The following AXDND1 variants were observed in gnomAD, a reference collection of about 807,000 sequenced individuals.
The protein encoded by AXDND1 is axonemal dynein light chain domain-containing protein 1.
In AXDND1, 110 loss-of-function variants were observed where a neutral mutation model predicts 137.5. The ratio of observed to expected loss-of-function variants is 0.80; its 90% CI spans 0.69 to 0.94. The LOEUF (loss-of-function observed/expected upper bound fraction) is 0.94. Ranked by LOEUF, AXDND1 falls within the 40% of genes least tolerant of loss-of-function variation. The probability of loss-of-function intolerance (pLI) is 0.00; values close to 1 mark genes in which losing one functional copy is unlikely to be tolerated. For missense variants in AXDND1, 1,191 were observed against 1,169.8 expected, an observed-to-expected ratio of 1.02 and a Z score of -0.26; for synonymous variants, 414 against 399.7, an observed-to-expected ratio of 1.04 and a Z score of -0.43.
intron 12 of AXDND1, among the ~76,000 whole-genome samples, chr1:179,411,918 C>T (rs1475893946): frequency 6.6e-6 from 1 of 151,890 alleles, no homozygotes; most frequent in East Asian, 1.9e-4. Flanking sequence ...GTGGTGCAAT[C>T]ACAGCTTACT....
chr1:179,488,634 CCTTTCTTTCTTTCTT>C (rs1337425503), intron 18 of AXDND1, among the ~76,000 whole-genome samples: 5,944 of 105,228 alleles, frequency 0.056, 567 homozygotes, highest in East Asian at 0.077. Context: ...CTCTCTCTCT[CCTTTCTTTCTTTCTT>C]TCTTTCTTTC....
At chr1:179,477,823 C>T (rs1274996761) in intron 17 of AXDND1, among the ~76,000 whole-genome samples, 2 of 152,162 alleles carry the variant, frequency 1.3e-5, no homozygotes, top group Non-Finnish European at 2.9e-5. Context: ...CAAGTTTCTT[C>T]CACCTGTAAG....
intron 20 of AXDND1, among the ~76,000 whole-genome samples, chr1:179,499,720 GATTA>G (rs1330005273): frequency 7.9e-5 from 12 of 152,092 alleles, no homozygotes; most frequent in Middle Eastern, 3.2e-3. Flanking sequence ...CTTTTGGCAA[GATTA>G]ATTAAGACAA....
Position 179,395,148 on chromosome 1 carries a change from A to G in AXDND1, c.1055A>G (p.Glu352Gly). The stretch of plus-strand genomic sequence containing the variant: ...GATGTGAAATTAACAAAGGAAACAG[A>G]AAAAGCCCACAAGGATTTGGCACAA... ...AHDVKLTKET[E>G]KAHKDLAQAL... Residue 352 changes from glutamate (E) to glycine (G), a missense_variant, in exon 11 of 26, where the codon GAA becomes GGA. Transcript: ENST00000367618. 1 of 1,613,432 alleles carries G rather than the reference A, an allele frequency of 6.2e-7. No homozygotes were observed. The highest frequency in any genetic ancestry group is 1.3e-5 in the African/African-American group (1 of 75,036).
At position 179,402,524 on chromosome 1, in the gene AXDND1, CTT is replaced by C. The variant is rs571314998; in HGVS notation, c.1109+7323_1109+7324del. Among the ~76,000 whole-genome samples the C allele has an allele frequency of 1.2e-4, 18 of 152,332 alleles. 1 individual carries two copies. The South Asian group carries it at 2.3e-3, about 19-fold the overall frequency. ...GTCTGCTCCTTTCTAAGGCCAATCT[CTT>C]GTTTGTATACTTTCATATCCCCTGT... On this transcript the variant is annotated intron_variant, in intron 11 of 25. Transcript: ENST00000367618.
In AXDND1 at chr1:179,431,291, G is replaced by A. The variant is rs575258174; in HGVS notation, c.1487+685G>A. Among the ~76,000 whole-genome samples, 886 of 152,056 alleles carry A rather than the reference G, an allele frequency of 5.8e-3. 1 individual carries two copies. Among genetic ancestry groups the A allele is most frequent in the Non-Finnish European group, 9.6e-3 (652 of 67,968 alleles). ...CAAGTAGCTGGGATTACAGGCATGC[G>A]CCACCACACCCGGCTAATTTTTGTA... On this transcript the variant is annotated intron_variant, in intron 14 of 25. Transcript: ENST00000367618.
At chr1:179,366,262 G>A (rs1667383808) in intron 1 of AXDND1, 142 bp from the exon 2 acceptor site, 2 of 305,098 alleles carry the variant, frequency 6.6e-6, no homozygotes, top group East Asian at 6.8e-5. Flanking sequence ...CTTCTTAGTC[G>A]CTACACATAA....
intron 16 of AXDND1, among the ~76,000 whole-genome samples, chr1:179,459,937 TC>T (rs1662041236): frequency 9.6e-6 from 1 of 103,948 alleles, no homozygotes; most frequent in Non-Finnish European, 1.9e-5. Context: ...TCCTTCCTTC[TC>T]TCTCTCTTTT....
intron 20 of AXDND1, among the ~76,000 whole-genome samples, chr1:179,499,861 A>G (rs1040153597): frequency 3.3e-5 from 5 of 152,170 alleles, no homozygotes; most frequent in African/African-American, 7.2e-5. Flanking sequence ...GGACAAATAA[A>G]TATAACCCAG....
chr1:179,374,013 A>G (rs1316920328), intron 4 of AXDND1, among the ~76,000 whole-genome samples: 2 of 152,230 alleles, frequency 1.3e-5, no homozygotes, highest in African/African-American at 2.4e-5. Flanking sequence ...TGCACAGCAA[A>G]AAAAAATTAC....
chr1:179,479,068 G>A (rs1266508024), intron 17 of AXDND1, among the ~76,000 whole-genome samples: 1 of 151,904 alleles, frequency 6.6e-6, no homozygotes, highest in East Asian at 1.9e-4. Context: ...CCACTGCACT[G>A]CAGCCTGGGT....
Position 179,528,840 on chromosome 1 carries a change from C to T in AXDND1, c.2715+409C>T, listed in dbSNP as rs570304591. Among the ~76,000 whole-genome samples the T allele has an allele frequency of 5.9e-5, 9 of 152,180 alleles. No homozygotes were observed. In the East Asian group the frequency reaches 1.7e-3, roughly 29 times the overall value. ...CTCCCGACCTCAGGTGATCCACCCACCTCAACCTCCCAAAGAGCTGGGACT... is the reference window on the plus strand; with the variant it reads ...CTCCCGACCTCAGGTGATCCACCCATCTCAACCTCCCAAAGAGCTGGGACT... On this transcript the variant is annotated intron_variant, in intron 23 of 25. Coordinates refer to ENST00000367618, the MANE Select transcript of AXDND1 (RefSeq NM_144696.6).
intron 9 of AXDND1, among the ~76,000 whole-genome samples, chr1:179,387,445 A>G (rs1230993511): frequency 6.6e-6 from 1 of 152,224 alleles, no homozygotes; most frequent in Non-Finnish European, 1.5e-5. Context: ...CAGAGCCCTC[A>G]CGACTTAAAC....
chr1:179,415,546 T>C (rs889573054), intron 12 of AXDND1, among the ~76,000 whole-genome samples: 2 of 152,224 alleles, frequency 1.3e-5, no homozygotes, highest in Non-Finnish European at 2.9e-5. Context: ...ATATGTTTTT[T>C]AGCATGGTCG....
rs189772489 is a variant in AXDND1, at chr1:179,540,476, T to G, written c.3031+5514T>G. Among the ~76,000 whole-genome samples, 11 of 152,318 alleles carry G rather than the reference T, an allele frequency of 7.2e-5. No individual in the cohort carries two copies. The East Asian group carries it at 1.5e-3, about 21-fold the overall frequency. ...CAGCTGCAAGTCTGTTGGAGTTTGC[T>G]GGGGGTCCACTCCAGACCCTGTTTG... On this transcript the variant is annotated intron_variant, in intron 25 of 25. Transcript: ENST00000367618.
intron 20 of AXDND1, among the ~76,000 whole-genome samples, chr1:179,506,352 G>A (rs1184736010): frequency 6.6e-6 from 1 of 152,066 alleles, no homozygotes; most frequent in Non-Finnish European, 1.5e-5. Flanking sequence ...TATATGGGAG[G>A]GAAATATACC....
intron 12 of AXDND1, among the ~76,000 whole-genome samples, chr1:179,413,714 G>C (rs1208434631): frequency 2.0e-5 from 3 of 152,276 alleles, no homozygotes; most frequent in Middle Eastern, 6.8e-3. Context: ...TATGAGTGCA[G>C]GTGTCTTTTT....
rs1648728427 is a variant in AXDND1 at position 179,383,525 on chromosome 1, A to T, written c.722A>T (p.Glu241Val). Residue 241 changes from glutamate to valine, a missense_variant, in exon 8 of 26, where the codon GAA becomes GTA. By Grantham distance (121) the Glu-to-Val change is moderately radical. Coordinates refer to ENST00000367618, the MANE Select transcript of AXDND1 (RefSeq NM_144696.6). ...GAGAGGGCTGGTGTGGAAAATCAGG[A>T]ATATACAGGACCAACGAAGGTAATT... Reference protein sequence around the residue: ...MLERAGVENQEYTGPTKMHKL... With the variant: ...MLERAGVENQVYTGPTKMHKL... 1.9e-6 allele frequency: 3 copies of T among 1,613,634 alleles called. No individual in the cohort carries two copies. The highest frequency in any genetic ancestry group is 2.5e-6 in the Non-Finnish European group (3 of 1,179,608).
At chr1:179,445,715 T>C (rs1250724050) in intron 16 of AXDND1, among the ~76,000 whole-genome samples, 14 of 152,342 alleles carry the variant, frequency 9.2e-5, no homozygotes, top group Admixed American at 3.9e-4. Context: ...CTAATAATAG[T>C]GTATGTATAA....
Sources: allele counts gnomAD v4.1 joint callset (sites outside exome capture counted in the v4.1 genomes callset), GRCh38; gene constraint gnomAD v4.1.1; transcripts MANE v1.5; gene names NCBI Gene and HGNC (gene_info 2026-07-23, HGNC 2026-07-21).